Variants in RIMS2 observed in about 807,000 individuals in gnomAD.
The protein encoded by RIMS2 is regulating synaptic membrane exocytosis 2, also known as regulating synaptic membrane exocytosis protein 2.
In RIMS2, 59 loss-of-function variants were observed where a neutral mutation model predicts 174.4. That is an observed-to-expected ratio of 0.34 (90% CI 0.27 to 0.42). The LOEUF (loss-of-function observed/expected upper bound fraction) is 0.42. Among genes scored for constraint, RIMS2 ranks in the 10% least tolerant of loss-of-function variants. The pLI, the probability that RIMS2 is intolerant of heterozygous loss-of-function variation, is 1.00. For synonymous variants in RIMS2, 606 were observed against 572.5 expected (o/e 1.06, Z -0.84); for missense variants, 1,620 against 1,666.3 (o/e 0.97, Z 0.48).
rs529374577 is a variant in RIMS2 at position 104,159,957 on chromosome 8, G to A, written c.3335-84959G>A. Among the ~76,000 whole-genome samples the A allele has an allele frequency of 5.9e-5, 9 of 152,134 alleles. 1 individual carries two copies. Among genetic ancestry groups the A allele is most frequent in the African/African-American group, 1.7e-4 (7 of 41,500 alleles). ...AGTTCAAGAGCAGTCTAGCCAACAT[G>A]GTGAAACCCCGTCTCTACTAAAAAT... is the stretch of plus-strand genomic sequence containing the variant. On this transcript the variant is annotated intron_variant, in intron 19 of 23. Transcript: ENST00000504942.
intron 3 of RIMS2, among the ~76,000 whole-genome samples, chr8:103,785,009 G>A (rs781461399): frequency 0.054 from 7,655 of 140,826 alleles, 1,091 homozygotes; most frequent in African/African-American, 0.13. Flanking sequence ...GGATTCCTAG[G>A]TATTTTATTC....
At chr8:103,631,888 C>T (rs1218481870) in intron 1 of RIMS2, among the ~76,000 whole-genome samples, 1 of 152,130 alleles carries the variant, frequency 6.6e-6, no homozygotes, top group Non-Finnish European at 1.5e-5. Context: ...CTGTTTGTGG[C>T]TGCTCTGAAT....
chr8:104,159,245 A>G (rs937476154), intron 19 of RIMS2, among the ~76,000 whole-genome samples: 6 of 151,964 alleles, frequency 3.9e-5, no homozygotes, highest in Admixed American at 3.3e-4. Context: ...ATTCTGTTCC[A>G]TTGGTCTATA....
intron 19 of RIMS2, chr8:104,015,276 A>G (rs2095867813): frequency 4.3e-6 from 2 of 462,068 alleles, no homozygotes; most frequent in Admixed American, 4.1e-5. Context: ...CAAATAATAC[A>G]TATAAGTTTA....
chr8:103,693,975 C>T (rs2137165938), intron 1 of RIMS2, among the ~76,000 whole-genome samples: 1 of 152,224 alleles, frequency 6.6e-6, no homozygotes, highest in Non-Finnish European at 1.5e-5. Context: ...TGGGACCTGA[C>T]CTGGTGCTTG....
chr8:104,222,238 G>T (rs370412089), intron 19 of RIMS2, among the ~76,000 whole-genome samples: 133 of 151,974 alleles, frequency 8.8e-4, no homozygotes, highest in African/African-American at 3.1e-3. Context: ...TGAGAGCAGG[G>T]ATTTTTTTTA....
At chr8:104,075,662 T>G (rs1036751740) in intron 19 of RIMS2, among the ~76,000 whole-genome samples, 3 of 152,160 alleles carry the variant, frequency 2.0e-5, no homozygotes, top group Non-Finnish European at 4.4e-5. Flanking sequence ...TCTTCATGCC[T>G]CAGCAAGCAG....
intron 1 of RIMS2, among the ~76,000 whole-genome samples, chr8:103,622,985 T>G (rs2134739775): frequency 6.6e-6 from 1 of 152,302 alleles, no homozygotes; most frequent in Middle Eastern, 3.4e-3. Flanking sequence ...CTTAAAATAA[T>G]GAGAATTTCT....
intron 19 of RIMS2, among the ~76,000 whole-genome samples, chr8:104,166,910 G>A (rs1415912950): frequency 1.3e-5 from 2 of 152,058 alleles, no homozygotes; most frequent in Non-Finnish European, 2.9e-5. Flanking sequence ...ACTTCACTTA[G>A]AATGATGGCC....
At chr8:103,989,306 C>G in exon 17 of RIMS2, 1 of 1,571,792 alleles carries the variant, frequency 6.4e-7, no homozygotes, top group Non-Finnish European at 8.8e-7. Flanking sequence ...TTGTTTTAGT[C>G]GGAATGTGGA....
chr8:104,049,398 C>G (rs2096748140), intron 19 of RIMS2, among the ~76,000 whole-genome samples: 1 of 152,152 alleles, frequency 6.6e-6, no homozygotes, highest in Admixed American at 6.5e-5. Context: ...GCACTCCAGC[C>G]TGGGCGACAG....
chr8:104,248,891 T>TTCTCTCTCTCTCTCTCTCTCTC (rs368851079), intron 21 of RIMS2, 78 bp downstream of exon 27: 9,500 of 625,568 alleles, frequency 0.015, 139 homozygotes, highest in Middle Eastern at 0.022. Flanking sequence ...TCATAGAATC[T>TTCTCTCTCTCTCTCTCTCTCTC]TCTCTCTCTC....
intron 17 of RIMS2, among the ~76,000 whole-genome samples, chr8:104,001,425 T>G (rs1401771030): frequency 6.6e-6 from 1 of 151,998 alleles, no homozygotes; most frequent in African/African-American, 2.4e-5. Flanking sequence ...TACATATAAA[T>G]GAATGTGTAT....
At chr8:104,146,965 T>G (rs1470523) in intron 19 of RIMS2, among the ~76,000 whole-genome samples, 91,115 of 151,880 alleles carry the variant, frequency 0.6, 27,606 homozygotes, top group Middle Eastern at 0.69. Flanking sequence ...TAAGTGCTAG[T>G]ATTACAGACG....
intron 4 of RIMS2, among the ~76,000 whole-genome samples, chr8:103,894,477 T>G (rs1355238439): frequency 6.6e-6 from 1 of 151,630 alleles, no homozygotes; most frequent in Non-Finnish European, 1.5e-5. Context: ...TAGAAGAATC[T>G]AGTAAAAACC....
chr8:104,133,585 T>C (rs565825284), intron 19 of RIMS2, among the ~76,000 whole-genome samples: 6 of 152,204 alleles, frequency 3.9e-5, no homozygotes, highest in Non-Finnish European at 7.3e-5. Flanking sequence ...ATAAAATGAT[T>C]TGTATTTTAG....
chr8:103,606,638 G>A (rs2095103154), intron 1 of RIMS2, among the ~76,000 whole-genome samples: 1 of 152,114 alleles, frequency 6.6e-6, no homozygotes. Flanking sequence ...GGGAGTCTAA[G>A]TCTCTTTGTA....
intron 3 of RIMS2, among the ~76,000 whole-genome samples, chr8:103,856,608 TCATAGTTTATGCA>T (rs1312524374): frequency 1.3e-5 from 2 of 152,212 alleles, no homozygotes; most frequent in Non-Finnish European, 2.9e-5. Context: ...TGGTGGCCTT[TCATAGTTTATGCA>T]CATAGTTTAT....
At chr8:103,662,864 C>T (rs1041550706) in intron 1 of RIMS2, among the ~76,000 whole-genome samples, 12 of 152,022 alleles carry the variant, frequency 7.9e-5, no homozygotes, top group South Asian at 2.1e-4. Flanking sequence ...CTGTATCTAG[C>T]GACTACATAA....
Sources: gnomAD v4.1 joint callset for allele counts (sites outside exome capture counted in the v4.1 genomes callset) on GRCh38, gnomAD v4.1.1 for gene constraint, MANE v1.5 for transcripts, NCBI Gene and HGNC (gene_info 2026-07-23, HGNC 2026-07-21) for gene names.